Variants in SNRNP200 observed in about 807,000 individuals in gnomAD.
SNRNP200 encodes U5 small nuclear ribonucleoprotein 200 kDa helicase.
In SNRNP200, 66 loss-of-function variants were observed where a neutral mutation model predicts 255.2. That is an observed-to-expected ratio of 0.26 (90% CI 0.21 to 0.32). SNRNP200 has a LOEUF of 0.32. Among genes scored for constraint, SNRNP200 ranks in the 10% least tolerant of loss-of-function variants. SNRNP200 has a pLI of 1.00. For synonymous variants in SNRNP200, 939 were observed against 1,027.8 expected (o/e 0.91, Z 1.65); for missense variants, 1,585 against 2,749.8 (o/e 0.58, Z 9.47).
At chr2:96,297,095 T>C (rs1310915117) in intron 11 of SNRNP200, 25 bp from the exon 12 acceptor site, 2 of 1,614,010 alleles carry the variant, frequency 1.2e-6, no homozygotes, top group East Asian at 2.2e-5. Context: ...GTGCCATCAA[T>C]ATCATGTTGG....
chr2:96,291,715 G>A lies in SNRNP200; in HGVS notation c.2310+36C>T. On this transcript the variant is annotated intron_variant, in intron 17 of 44. Transcript: ENST00000323853. The surrounding 1 kb of genome is among the most constrained non-coding windows in gnomAD (Gnocchi z 4.2). ...GGGCCTGAGATGGACACAGCTGCCA[G>A]GTAGGAATGAGAGAACCCAGCTGGC... is the stretch of plus-strand genomic sequence containing the variant. 1.2e-6 allele frequency: 2 copies of A among 1,612,800 alleles called. No individual in the cohort carries two copies. Among genetic ancestry groups the A allele is most frequent in the East Asian group, 2.2e-5 (1 of 44,888 alleles).
In SNRNP200 at chr2:96,290,212, A is replaced by G. The variant is rs2063875666; in HGVS notation, c.2742+114T>C. On this transcript the variant is annotated intron_variant, in intron 20 of 44. Coordinates refer to ENST00000323853, the MANE Select transcript of SNRNP200 (RefSeq NM_014014.5). This position sits in a 1 kb window ranked among gnomAD's most constrained non-coding sequence, Gnocchi z 4.5. ...TCTGCCAGACCCAAGATGTGGGTGC[A>G]GGGATGGAAGGCCTCGGACGCTGCT... The G allele has an allele frequency of 2.5e-6, 3 of 1,193,104 alleles. No homozygotes were observed. The highest frequency in any genetic ancestry group is 3.0e-5 in the African/African-American group (2 of 66,794). The allele number at this position is 1,193,104 out of a possible 1,614,324, so 73.9% of individuals were successfully genotyped here. A position where few individuals can be genotyped will look rare whatever the true frequency, so the allele number is the denominator to read the frequency against.
chr2:96,283,061 G>A lies in SNRNP200; in HGVS notation c.4915+140C>T. 8.9e-7 allele frequency: 1 copy of A among 1,129,206 alleles called. No individual in the cohort carries two copies. 69.9% of individuals were successfully genotyped at this position (1,129,206 alleles called of 1,614,324 possible). A position where few individuals can be genotyped will look rare whatever the true frequency, so the allele number is the denominator to read the frequency against. On this transcript the variant is annotated intron_variant, in intron 34 of 44. Coordinates refer to ENST00000323853, the MANE Select transcript of SNRNP200 (RefSeq NM_014014.5). This position sits in a 1 kb window ranked among gnomAD's most constrained non-coding sequence, Gnocchi z 4.7. ...CGAGGTTCTTGGGAGGATCAAATGA[G>A]TTAACAGCCAAGAGTCCTAAACAGT...
Position 96,293,311 on chromosome 2 carries a change from G to A in SNRNP200, c.2036+5C>T. 6.2e-7 allele frequency: 1 copy of A among 1,613,486 alleles called. No homozygotes were observed. Among genetic ancestry groups the A allele is most frequent in the South Asian group, 1.1e-5 (1 of 91,064 alleles). The stretch of plus-strand genomic sequence containing the variant: ...GGCAGAACTTTGCCCAGTCTTTCCT[G>A]ATACCTGTTGTCAAAGTAAAAGAGA... On this transcript the variant is annotated splice_donor_5th_base_variant and intron_variant, in intron 15 of 44. Coordinates refer to ENST00000323853, the MANE Select transcript of SNRNP200 (RefSeq NM_014014.5).
intron 11 of SNRNP200, 146 bp downstream of exon 11, chr2:96,297,217 G>A (rs2063922443): frequency 2.0e-6 from 3 of 1,484,800 alleles, no homozygotes; most frequent in Non-Finnish European, 2.8e-6. Flanking sequence ...TTGTCCCCTG[G>A]GCTCAAAATC....
Position 96,279,064 on chromosome 2 carries a change from G to C in SNRNP200, c.5134-66C>G, listed in dbSNP as rs912844149. The C allele has an allele frequency of 3.4e-5, 46 of 1,338,300 alleles. No individual in the cohort carries two copies. In the East Asian group the frequency reaches 9.9e-4, roughly 29 times the overall value. The allele number at this position is 1,338,300 out of a possible 1,614,324, so 82.9% of individuals were successfully genotyped here. ...GACAACACGGTCACAGAGGGCCAAG[G>C]GCAAATCAACAGGGCATGGTCCCTG... On this transcript the variant is annotated intron_variant, in intron 36 of 44. Transcript: ENST00000323853.
rs899899456 is a variant in SNRNP200, at chr2:96,305,423, G to A, written c.15C>T (p.Thr5=). 6.2e-7 allele frequency: 1 copy of A among 1,614,206 alleles called. No individual in the cohort carries two copies. Among genetic ancestry groups the A allele is most frequent in the Non-Finnish European group, 8.5e-7 (1 of 1,180,040 alleles). ...TGTACTCGTATTGCAGACTACGGGC[G>A]GTTACATCCGCCATGGCCGCGGCTG... MADV[T]ARSLQYEYKA... The change falls in exon 1 of 45, where the codon ACC becomes ACT. Residue 5 remains threonine, a synonymous_variant. Transcript: ENST00000323853.
At chr2:96,301,447 G>A (rs1210883312) in intron 4 of SNRNP200, 77 bp downstream of exon 4, 6 of 1,448,184 alleles carry the variant, frequency 4.1e-6, no homozygotes, top group Non-Finnish European at 5.8e-6. Context: ...GTTTTTAAAT[G>A]AATGATGCTA....
chr2:96,283,195 A>ACCTGAGCTGAAGGCTCAGGC lies in SNRNP200; in HGVS notation c.4915+5_4915+6insGCCTGAGCCTTCAGCTCAGG. The ACCTGAGCTGAAGGCTCAGGC allele has an allele frequency of 6.2e-7, 1 of 1,614,040 alleles. No homozygotes were observed. The highest frequency in any genetic ancestry group is 8.5e-7 in the Non-Finnish European group (1 of 1,180,036). ...TGCTATGCTCCCCTTCCGTGGCCTG[A>ACCTGAGCTGAAGGCTCAGGC]CTTACCTGAGCTGAAGAGCTGCTCC... On this transcript the variant is annotated splice_donor_region_variant and intron_variant, in intron 34 of 44. Coordinates refer to ENST00000323853, the MANE Select transcript of SNRNP200 (RefSeq NM_014014.5). This position sits in a 1 kb window ranked among gnomAD's most constrained non-coding sequence, Gnocchi z 4.7.
chr2:96,298,264 T>A lies in SNRNP200; in HGVS notation c.1119+20A>T. On this transcript the variant is annotated intron_variant, in intron 9 of 44. Coordinates refer to ENST00000323853, the MANE Select transcript of SNRNP200 (RefSeq NM_014014.5). ...ACCGTTAGCTCAGAAATCAGACAGA[T>A]AAACCAACCCAGTCCTTACTCGGAT... 6.2e-7 allele frequency: 1 copy of A among 1,614,208 alleles called. No homozygotes were observed. The highest frequency in any genetic ancestry group is 8.5e-7 in the Non-Finnish European group (1 of 1,180,024).
chr2:96,300,536 C>T (rs538807169), intron 5 of SNRNP200, among the ~76,000 whole-genome samples: 9 of 152,162 alleles, frequency 5.9e-5, no homozygotes, highest in South Asian at 2.1e-4. Context: ...CGACGGGGGG[C>T]GGATCACCTG....
In SNRNP200 at chr2:96,296,767, C is replaced by A. The variant is rs115168079; in HGVS notation, c.1516-76G>T. 1.2e-3 allele frequency: 1,825 copies of A among 1,578,804 alleles called. 26 individuals are homozygous for A. The African/African-American group carries it at 0.022, about 19-fold the overall frequency. On this transcript the variant is annotated intron_variant, in intron 12 of 44. Transcript: ENST00000323853. ...TGCCCTAACTTCCATGGGCTTATTT[C>A]CCAAATAGAGAATAGAGCTTGTCCT...
chr2:96,276,742 A>T (rs866896251), intron 43 of SNRNP200, 162 bp downstream of exon 43: 2 of 814,242 alleles, frequency 2.5e-6, no homozygotes, highest in Middle Eastern at 4.4e-4. Context: ...AGCAGAAACA[A>T]ACAGAAAAAA....
chr2:96,297,832 T>A, intron 9 of SNRNP200, 112 bp from the exon 10 acceptor site: 1 of 1,119,572 alleles, frequency 8.9e-7, no homozygotes, highest in Non-Finnish European at 1.3e-6. Flanking sequence ...GACTAGTAAG[T>A]CGTGAAACAG....
intron 4 of SNRNP200, 97 bp from the exon 5 acceptor site, chr2:96,301,150 A>G: frequency 9.9e-7 from 1 of 1,012,098 alleles, no homozygotes; most frequent in African/African-American, 1.6e-5. Context: ...CTCCTCAGGA[A>G]AGATCTAAGT....
At chr2:96,285,091 T>C (rs1208414780) in intron 30 of SNRNP200, 89 bp downstream of exon 30, 1 of 1,497,538 alleles carries the variant, frequency 6.7e-7, no homozygotes, top group Non-Finnish European at 9.3e-7. Context: ...GAAATGACCC[T>C]GCAAATTTCA....
rs149541216 is a variant in SNRNP200, at chr2:96,293,561, CT to C, written c.1843-53del. ...CTCTAGCACTAGAGATACATAGTCC[CT>C]TTTCCTGGAATTGTCCCATATTGTA... On this transcript the variant is annotated intron_variant, in intron 14 of 44. Transcript: ENST00000323853. The C allele has an allele frequency of 5.8e-4, 900 of 1,544,122 alleles. 4 individuals carry two copies. The African/African-American group carries it at 9.2e-3, about 16-fold the overall frequency.
rs991388723 is a variant in SNRNP200 at position 96,287,100 on chromosome 2, G to A, written c.3545C>T (p.Pro1182Leu). ...KTIHKYVHLF[P>L]KLELSVHLQP... The stretch of plus-strand genomic sequence containing the variant: ...CAGGTGCACTGACAACTCCAACTTG[G>A]GAAACAGATGGACATATTTGTGGAT... The change falls in exon 27 of 45, where the codon CCC becomes CTC. Residue 1182 changes from proline to leucine, a missense_variant. Coordinates refer to ENST00000323853, the MANE Select transcript of SNRNP200 (RefSeq NM_014014.5). The surrounding 1 kb of genome is among the most constrained non-coding windows in gnomAD (Gnocchi z 5.7). 2 of 1,614,090 alleles carry A rather than the reference G, an allele frequency of 1.2e-6. No homozygotes were observed. Among genetic ancestry groups the A allele is most frequent in the Non-Finnish European group, 8.5e-7 (1 of 1,179,932 alleles).
chr2:96,280,849 T>C (rs912552351), intron 35 of SNRNP200, among the ~76,000 whole-genome samples: 8 of 120,464 alleles, frequency 6.6e-5, no homozygotes, highest in Admixed American at 1.7e-4. Context: ...CACCTGGCCC[T>C]TTTTTTTTTT....
Sources: allele counts gnomAD v4.1 joint callset (sites outside exome capture counted in the v4.1 genomes callset), GRCh38; gene constraint gnomAD v4.1.1; non-coding constraint Gnocchi (gnomAD v3.1); transcripts MANE v1.5; gene names NCBI Gene and HGNC (gene_info 2026-07-23, HGNC 2026-07-21).